Variants in EPS15 observed in about 807,000 individuals in gnomAD.
EPS15 encodes the protein epidermal growth factor receptor pathway substrate 15.
A neutral mutation model predicts 113.8 loss-of-function variants in EPS15; 72 were observed. The observed-to-expected ratio is 0.63, with a 90% CI of 0.52 to 0.77. The LOEUF is 0.77. Ranked by LOEUF, EPS15 falls within the 30% of genes least tolerant of loss-of-function variation. The pLI is 0.00. For missense variants in EPS15, 1,048 were observed against 1,045.8 expected, an observed-to-expected ratio of 1.00 and a Z score of -0.03; for synonymous variants, 344 against 363.4, an observed-to-expected ratio of 0.95 and a Z score of 0.61.
At chr1:51,483,805 A>C (rs1275860268) in intron 1 of EPS15, among the ~76,000 whole-genome samples, 1 of 142,562 alleles carries the variant, frequency 7.0e-6, no homozygotes, top group Non-Finnish European at 1.5e-5. Context: ...ACTCCACCTA[A>C]AAAAAAAAAA....
At chr1:51,385,694 T>C (rs1409816883) in intron 21 of EPS15, among the ~76,000 whole-genome samples, 1 of 152,140 alleles carries the variant, frequency 6.6e-6, no homozygotes, top group Non-Finnish European at 1.5e-5. Context: ...ATGCAGTATA[T>C]ACATATAATA....
At chr1:51,486,415 G>C (rs1277208439) in intron 1 of EPS15, among the ~76,000 whole-genome samples, 2 of 111,242 alleles carry the variant, frequency 1.8e-5, no homozygotes, top group African/African-American at 3.5e-5. Context: ...ACAAGAGCGA[G>C]ACTGCATCTC....
chr1:51,426,438 G>C (rs1372057400), intron 12 of EPS15, among the ~76,000 whole-genome samples: 1 of 148,278 alleles, frequency 6.7e-6, no homozygotes, highest in African/African-American at 2.5e-5. Flanking sequence ...TAGCATTCTA[G>C]GTAGCAAGCC....
At position 51,355,213 on chromosome 1, in the gene EPS15, A is replaced by C. The variant is rs562292430; in HGVS notation, c.*1487T>G. On this transcript the variant is annotated 3_prime_UTR_variant, in exon 25 of 25. Transcript: ENST00000371733. ...TAATTGTGTAATGGAAAGAAAACAAAACAAGCACCATTTCAAGAAGAAATG... is the reference window on the plus strand; with the variant it reads ...TAATTGTGTAATGGAAAGAAAACAACACAAGCACCATTTCAAGAAGAAATG... The C allele has an allele frequency of 9.1e-6, 2 of 220,114 alleles. No homozygotes were observed. The highest frequency in any genetic ancestry group is 3.7e-4 in the South Asian group (2 of 5,406). 13.6% of individuals were successfully genotyped at this position (220,114 alleles called of 1,614,324 possible).
intron 1 of EPS15, among the ~76,000 whole-genome samples, chr1:51,511,534 C>G (rs1267954723): frequency 2.0e-5 from 3 of 152,066 alleles, no homozygotes; most frequent in Admixed American, 2.0e-4. Flanking sequence ...AATAAATAAA[C>G]CAGTGATTCT....
At chr1:51,364,403 A>T (rs1365133268) in intron 22 of EPS15, among the ~76,000 whole-genome samples, 1 of 152,214 alleles carries the variant, frequency 6.6e-6, no homozygotes, top group Non-Finnish European at 1.5e-5. Context: ...AGGAAAAAAA[A>T]TGGATTCCAT....
intron 1 of EPS15, among the ~76,000 whole-genome samples, chr1:51,509,844 A>G (rs772869369): frequency 1.3e-5 from 2 of 152,212 alleles, no homozygotes; most frequent in Non-Finnish European, 2.9e-5. Context: ...CCTACAACAT[A>G]TGTTCAGCTA....
chr1:51,492,884 G>T (rs1415307364), intron 1 of EPS15, among the ~76,000 whole-genome samples: 1 of 152,144 alleles, frequency 6.6e-6, no homozygotes, highest in Admixed American at 6.5e-5. Flanking sequence ...ACTCCTCTTT[G>T]CTCACCAGCA....
At chr1:51,393,594 T>A (rs991803478) in intron 21 of EPS15, among the ~76,000 whole-genome samples, 1 of 152,258 alleles carries the variant, frequency 6.6e-6, no homozygotes, top group Non-Finnish European at 1.5e-5. Flanking sequence ...ACTCACTCTG[T>A]ATTCACCTAG....
chr1:51,362,595 T>C (rs978007636), intron 23 of EPS15, among the ~76,000 whole-genome samples: 2 of 152,218 alleles, frequency 1.3e-5, no homozygotes, highest in South Asian at 2.1e-4. Context: ...TAGAAATATA[T>C]GACATAAGCT....
chr1:51,444,836 A>C (rs1652874519), intron 11 of EPS15, 53 bp downstream of exon 11: 13 of 1,488,686 alleles, frequency 8.7e-6, no homozygotes, highest in Non-Finnish European at 1.2e-5. Context: ...AATTCGACAT[A>C]GTATTGTTCC....
chr1:51,427,102 A>G (rs967281151), intron 12 of EPS15, among the ~76,000 whole-genome samples: 3 of 152,096 alleles, frequency 2.0e-5, no homozygotes, highest in Non-Finnish European at 2.9e-5. Context: ...CCTGTATCTC[A>G]CAACTGCATA....
intron 12 of EPS15, among the ~76,000 whole-genome samples, chr1:51,429,648 T>C (rs1374502676): frequency 1.4e-5 from 2 of 146,712 alleles, no homozygotes; most frequent in African/African-American, 5.1e-5. Flanking sequence ...TGTTGGTTTT[T>C]TTTTTTTTTT....
At chr1:51,444,261 TGAG>T (rs1652835303) in intron 11 of EPS15, among the ~76,000 whole-genome samples, 2 of 152,294 alleles carry the variant, frequency 1.3e-5, no homozygotes, top group African/African-American at 4.8e-5. Context: ...GGTTTCTACA[TGAG>T]GAGAGAAAAA....
intron 21 of EPS15, among the ~76,000 whole-genome samples, chr1:51,380,868 A>G (rs1386757152): frequency 6.6e-6 from 1 of 152,236 alleles, no homozygotes; most frequent in African/African-American, 2.4e-5. Flanking sequence ...ATGCAAATAG[A>G]ATATCAAGAA....
In EPS15 at chr1:51,372,308, G is replaced by A. The variant is rs1425249873; in HGVS notation, c.2120-6279C>T. ...AGAAGGCAGTGGTCCACCTTCCGGT[G>A]CTGCTCAGTGTGGTGGATCATTTCA... On this transcript the variant is annotated intron_variant, in intron 21 of 24. Transcript: ENST00000371733. 4 of 519,814 alleles carry A rather than the reference G, an allele frequency of 7.7e-6. No individual in the cohort carries two copies. The East Asian group carries it at 2.3e-4, about 30-fold the overall frequency. 32.2% of individuals were successfully genotyped at this position (519,814 alleles called of 1,614,324 possible). A position where few individuals can be genotyped will look rare whatever the true frequency, so the allele number is the denominator to read the frequency against.
rs181155820 is a variant in EPS15 at position 51,390,672 on chromosome 1, C to T, written c.2119+3709G>A. On this transcript the variant is annotated intron_variant, in intron 21 of 24. Coordinates refer to ENST00000371733, the MANE Select transcript of EPS15 (RefSeq NM_001981.3). ...GGATGAAGGATATGAACAGACACTT[C>T]TCCAAAGAAGACATTTATGCAGCCA... Among the ~76,000 whole-genome samples, 318 of 152,154 alleles carry T rather than the reference C, an allele frequency of 2.1e-3. 1 individual carries two copies. The highest frequency in any genetic ancestry group is 6.9e-3 in the African/African-American group (285 of 41,530).
rs111272942 is a variant in EPS15, at chr1:51,356,547, G to GAA, written c.*151_*152dup. On this transcript the variant is annotated 3_prime_UTR_variant, in exon 25 of 25. Coordinates refer to ENST00000371733, the MANE Select transcript of EPS15 (RefSeq NM_001981.3). ...AAAAAAAAGACGAATCTGTAATGAA[G>GAA]AAAAAAAAAAAATCCTAAAATTTTG... 98 of 465,106 alleles carry GAA rather than the reference G, an allele frequency of 2.1e-4. No homozygotes were observed. Among genetic ancestry groups the GAA allele is most frequent in the South Asian group, 4.1e-4 (11 of 26,866 alleles). The allele number at this position is 465,106 out of a possible 1,614,324, so 28.8% of individuals were successfully genotyped here.
chr1:51,509,818 T>C (rs1442589173), intron 1 of EPS15, among the ~76,000 whole-genome samples: 3 of 152,190 alleles, frequency 2.0e-5, no homozygotes, highest in Non-Finnish European at 4.4e-5. Flanking sequence ...GATTTTCACA[T>C]AGGAAGATGT....
Sources: allele counts gnomAD v4.1 joint callset (sites outside exome capture counted in the v4.1 genomes callset), GRCh38; gene constraint gnomAD v4.1.1; transcripts MANE v1.5; gene names NCBI Gene and HGNC (gene_info 2026-07-23, HGNC 2026-07-21).